WDR59: variants seen among roughly 807,000 people sequenced by gnomAD.
WDR59 encodes WD repeat domain 59, also known as GATOR2 complex protein WDR59.
Under a neutral mutation model 131.2 loss-of-function variants are expected in WDR59, and 100 were observed. The observed-to-expected ratio is 0.76, with a 90% CI of 0.65 to 0.90. The LOEUF is 0.90. WDR59 is among the 40% of genes least tolerant of loss of function. WDR59 has a pLI of 0.00. For missense variants in WDR59, 1,203 were observed against 1,262.2 expected (o/e 0.95, Z 0.71); for synonymous variants, 601 against 466.2 (o/e 1.29, Z -3.72).
chr16:74,952,473 A>G (rs1211789754), intron 3 of WDR59, among the ~76,000 whole-genome samples: 2 of 151,050 alleles, frequency 1.3e-5, no homozygotes, highest in South Asian at 2.1e-4. Flanking sequence ...AAAAGAAAAG[A>G]AAAGAAGAAA....
chr16:74,944,596 C>T (rs1035001623), intron 6 of WDR59, among the ~76,000 whole-genome samples: 27 of 152,000 alleles, frequency 1.8e-4, no homozygotes, highest in Admixed American at 9.2e-4. Context: ...ATAATGTGCC[C>T]CCTGAGAGAT....
At chr16:74,945,581 T>TA (rs2032568081) in intron 6 of WDR59, among the ~76,000 whole-genome samples, 1 of 152,146 alleles carries the variant, frequency 6.6e-6, no homozygotes, top group Non-Finnish European at 1.5e-5. Context: ...TTATACGCCC[T>TA]CTGCAGCCAG....
intron 2 of WDR59, among the ~76,000 whole-genome samples, chr16:74,960,001 GA>G (rs2033481929): frequency 6.6e-6 from 1 of 151,956 alleles, no homozygotes; most frequent in Admixed American, 6.6e-5. Context: ...TAAAATAGTT[GA>G]AATTTTTTTT....
chr16:74,937,665 C>G (rs2031910558), intron 8 of WDR59, among the ~76,000 whole-genome samples: 1 of 152,132 alleles, frequency 6.6e-6, no homozygotes, highest in South Asian at 2.1e-4. Context: ...CCACACCCAG[C>G]TAATTTTTGT....
intron 13 of WDR59, among the ~76,000 whole-genome samples, chr16:74,914,481 T>G (rs1000297030): frequency 3.9e-5 from 6 of 152,222 alleles, no homozygotes; most frequent in Non-Finnish European, 5.9e-5. Context: ...TCTGGAGACC[T>G]GGATTCACAT....
At chr16:74,875,588 C>T (rs760005101) in intron 25 of WDR59, among the ~76,000 whole-genome samples, 4 of 152,206 alleles carry the variant, frequency 2.6e-5, no homozygotes, top group Admixed American at 6.5e-5. Flanking sequence ...AGTGCCCACC[C>T]GGCCATTCAG....
intron 1 of WDR59, among the ~76,000 whole-genome samples, chr16:74,968,689 C>G (rs1312473022): frequency 2.0e-5 from 3 of 152,114 alleles, no homozygotes; most frequent in African/African-American, 7.2e-5. Flanking sequence ...CTTGCCACTG[C>G]ACTCCAGCCT....
rs145386395 is a variant in WDR59, at chr16:74,880,548, C to G, written c.2689+5105G>C. On this transcript the variant is annotated intron_variant, in intron 25 of 25. Coordinates refer to ENST00000262144, the MANE Select transcript of WDR59 (RefSeq NM_030581.4). ...ATATGTGGACATGAAGCCCACAAGT[C>G]CTCCCAGGAAACTTCTTTGGCCTAG... is the stretch of plus-strand genomic sequence containing the variant. Among the ~76,000 whole-genome samples, 375 of 152,254 alleles carry G rather than the reference C, an allele frequency of 2.5e-3. 2 individuals are homozygous for G. The highest frequency in any genetic ancestry group is 7.4e-3 in the African/African-American group (307 of 41,544).
At chr16:74,898,565 G>C (rs895043073) in intron 18 of WDR59, among the ~76,000 whole-genome samples, 11 of 152,204 alleles carry the variant, frequency 7.2e-5, no homozygotes, top group African/African-American at 2.7e-4. Flanking sequence ...GGGGGTTGGG[G>C]GGCAGGAGGG....
At position 74,965,842 on chromosome 16, in the gene WDR59, G is replaced by C; in HGVS notation, c.55-20C>G. The C allele has an allele frequency of 1.2e-6, 2 of 1,614,070 alleles. No individual in the cohort carries two copies. The highest frequency in any genetic ancestry group is 2.2e-5 in the South Asian group (2 of 91,078). On this transcript the variant is annotated intron_variant, in intron 1 of 25. Coordinates refer to ENST00000262144, the MANE Select transcript of WDR59 (RefSeq NM_030581.4). ...AGTTGCCTGAGAGAGAGAACACAGA[G>C]TCAGTGCTGCCAGCAAACCCAGCCG...
chr16:74,968,582 G>C (rs560877284), intron 1 of WDR59, among the ~76,000 whole-genome samples: 1 of 152,088 alleles, frequency 6.6e-6, no homozygotes, highest in Admixed American at 6.6e-5. Flanking sequence ...TCAGCCAGGC[G>C]TGGTGGCATG....
At chr16:74,898,839 C>T (rs984512849) in intron 18 of WDR59, among the ~76,000 whole-genome samples, 2 of 152,164 alleles carry the variant, frequency 1.3e-5, no homozygotes, top group Non-Finnish European at 2.9e-5. Flanking sequence ...ATTCAGCAGT[C>T]GGGTTGGCTG....
intron 17 of WDR59, among the ~76,000 whole-genome samples, chr16:74,907,322 T>A (rs1050160083): frequency 6.6e-6 from 1 of 152,178 alleles, no homozygotes; most frequent in African/African-American, 2.4e-5. Flanking sequence ...AATCCCCACA[T>A]GTCAAGGGAG....
chr16:74,905,299 C>T (rs1317176653), intron 17 of WDR59, among the ~76,000 whole-genome samples: 3 of 150,768 alleles, frequency 2.0e-5, no homozygotes, highest in Non-Finnish European at 4.4e-5. Flanking sequence ...CACTTGAACC[C>T]GGGAGGCGGA....
At chr16:74,933,623 T>C (rs1225181382) in intron 8 of WDR59, among the ~76,000 whole-genome samples, 1 of 152,232 alleles carries the variant, frequency 6.6e-6, no homozygotes, top group East Asian at 1.9e-4. Flanking sequence ...TTAGCTCTTG[T>C]CGCCCAGGCT....
At chr16:74,876,796 C>T (rs1004171730) in intron 25 of WDR59, among the ~76,000 whole-genome samples, 1 of 152,124 alleles carries the variant, frequency 6.6e-6, no homozygotes, top group Non-Finnish European at 1.5e-5. Context: ...GAAGGATAGG[C>T]AGATGCCCGT....
At chr16:74,965,652 T>C in intron 2 of WDR59, 121 bp downstream of exon 2, 1 of 1,207,500 alleles carries the variant, frequency 8.3e-7, no homozygotes, top group Non-Finnish European at 1.2e-6. Context: ...AAACAGGATA[T>C]CAGAACTAAA....
At chr16:74,933,831 C>T (rs924232630) in intron 8 of WDR59, among the ~76,000 whole-genome samples, 17 of 152,202 alleles carry the variant, frequency 1.1e-4, no homozygotes, top group Non-Finnish European at 1.0e-4. Flanking sequence ...GCGATCCACC[C>T]GCCTCGGCCT....
At position 74,984,563 on chromosome 16, in the gene WDR59, C is replaced by A. The variant is rs374035238; in HGVS notation, c.54+401G>T. ...CATCGAATTCACCCCAACAGGGTTA[C>A]GTCCACGCAGCTGAGACTTAGAAAA... On this transcript the variant is annotated intron_variant, in intron 1 of 25. Coordinates refer to ENST00000262144, the MANE Select transcript of WDR59 (RefSeq NM_030581.4). 31 of 250,588 alleles carry A rather than the reference C, an allele frequency of 1.2e-4. 3 individuals carry two copies. The highest frequency in any genetic ancestry group is 5.9e-4 in the South Asian group (10 of 16,942). The allele number at this position is 250,588 out of a possible 1,614,324, so 15.5% of individuals were successfully genotyped here.
Sources: gnomAD v4.1 joint callset for allele counts (sites outside exome capture counted in the v4.1 genomes callset) on GRCh38, gnomAD v4.1.1 for gene constraint, MANE v1.5 for transcripts, NCBI Gene and HGNC (gene_info 2026-07-23, HGNC 2026-07-21) for gene names.